The following EXT2 variants were observed in gnomAD, a reference collection of about 807,000 sequenced individuals.
EXT2 encodes the protein exostosin glycosyltransferase 2.
EXT2 carries 53 observed loss-of-function variants against 81.6 expected under a neutral mutation model. The observed-to-expected ratio is 0.65, with a 90% CI of 0.52 to 0.82. The LOEUF (loss-of-function observed/expected upper bound fraction) is 0.82. Among genes scored for constraint, EXT2 ranks in the 40% least tolerant of loss-of-function variants. EXT2 has a pLI of 0.00. For missense variants in EXT2, 774 were observed against 910.2 expected, an observed-to-expected ratio of 0.85 and a Z score of 1.93; for synonymous variants, 320 against 340.0, an observed-to-expected ratio of 0.94 and a Z score of 0.65.
intron 12 of EXT2, 151 bp downstream of exon 12, chr11:44,234,394 A>G (rs1323552131): frequency 1.3e-6 from 1 of 775,988 alleles, no homozygotes; most frequent in African/African-American, 1.8e-5. Context: ...ATGCGGTCAC[A>G]TTGGGAAATT....
At chr11:44,130,218 G>C in intron 7 of EXT2, 80 bp downstream of exon 7, 1 of 1,090,776 alleles carries the variant, frequency 9.2e-7, no homozygotes, top group Non-Finnish European at 1.4e-6. Context: ...GACAGGAGCT[G>C]AATGCCTGAG....
intron 10 of EXT2, among the ~76,000 whole-genome samples, chr11:44,211,068 G>A (rs746982246): frequency 4.6e-5 from 7 of 152,118 alleles, no homozygotes; most frequent in Non-Finnish European, 7.4e-5. Flanking sequence ...ATAAAGCTAC[G>A]GTAATCAAGA....
intron 8 of EXT2, among the ~76,000 whole-genome samples, chr11:44,193,625 A>C (rs536724352): frequency 5.1e-4 from 78 of 152,330 alleles, no homozygotes; most frequent in African/African-American, 1.8e-3. Flanking sequence ...CATTTGCATT[A>C]ACCCTGGTGG....
intron 8 of EXT2, among the ~76,000 whole-genome samples, chr11:44,182,309 A>G (rs375637696): frequency 6.6e-6 from 1 of 151,942 alleles, no homozygotes; most frequent in East Asian, 1.9e-4. Context: ...AGTTTAAGGG[A>G]TCTTGAGACC....
intron 8 of EXT2, among the ~76,000 whole-genome samples, chr11:44,184,808 G>A (rs1323163022): frequency 6.6e-6 from 1 of 152,136 alleles, no homozygotes. Context: ...TTGATTATTA[G>A]ACAGCAATGT....
In EXT2 at chr11:44,124,851, T is replaced by C. The variant is rs1412485749; in HGVS notation, c.806T>C (p.Leu269Pro). Residue 269 changes from leucine to proline, a missense_variant, in exon 5 of 14, where the codon CTA becomes CCA. Physicochemically the swap from Leu to Pro is moderately conservative, Grantham distance 98 (BLOSUM62 -3). Around this residue, in one of 2 missense-constraint regions of EXT2, gnomAD observed 626 missense variants for 670.5 expected, o/e 0.93. Transcript: ENST00000533608. ...CTCCATCCTGAGTACAGAGAGGACC[T>C]AGAAGCCCTCCAGGTCAAACATGGA... is the stretch of plus-strand genomic sequence containing the variant. Reference protein sequence around the residue: ...VGLHPEYREDLEALQVKHGES... With the variant: ...VGLHPEYREDPEALQVKHGES... The C allele has an allele frequency of 6.2e-7, 1 of 1,614,130 alleles. No individual in the cohort carries two copies. Among genetic ancestry groups the C allele is most frequent in the Non-Finnish European group, 8.5e-7 (1 of 1,180,020 alleles).
intron 10 of EXT2, among the ~76,000 whole-genome samples, chr11:44,225,206 C>T (rs1441439430): frequency 6.6e-6 from 1 of 152,154 alleles, no homozygotes; most frequent in Non-Finnish European, 1.5e-5. Flanking sequence ...CCAAGAGATT[C>T]ATTGCCTCAT....
In EXT2 at chr11:44,244,862, G is replaced by C. The variant is rs373704488; in HGVS notation, c.*575G>C. ...GCACCAGCCGCTGAGTCAGGATCCT[G>C]TCAGTTCCATGAGCTATTCCTCTTT... On this transcript the variant is annotated 3_prime_UTR_variant, in exon 14 of 14. Coordinates refer to ENST00000533608, the MANE Select transcript of EXT2 (RefSeq NM_207122.2). The C allele has an allele frequency of 1.2e-4, 28 of 236,746 alleles. No individual in the cohort carries two copies. The East Asian group carries it at 1.3e-3, about 11-fold the overall frequency. The allele number at this position is 236,746 out of a possible 1,614,324, so 14.7% of individuals were successfully genotyped here.
At chr11:44,108,278 A>G (rs1954092505) in intron 2 of EXT2, 30 bp downstream of exon 2, 7 of 1,604,880 alleles carry the variant, frequency 4.4e-6, no homozygotes, top group Non-Finnish European at 5.1e-6. Context: ...CCCAGCCCCC[A>G]GGAGATACTT....
At chr11:44,154,689 A>G (rs936752156) in intron 7 of EXT2, among the ~76,000 whole-genome samples, 1 of 151,930 alleles carries the variant, frequency 6.6e-6, no homozygotes, top group Admixed American at 6.6e-5. Context: ...GTTTAGTTCT[A>G]TTTTTAGTTT....
intron 7 of EXT2, among the ~76,000 whole-genome samples, chr11:44,170,810 TCACACACACACACACACA>T (rs58131996): frequency 4.8e-5 from 7 of 145,550 alleles, no homozygotes; most frequent in Admixed American, 4.1e-4. Context: ...ACGTTCACAT[TCACACACACACACACACA>T]CACACACACA....
intron 7 of EXT2, among the ~76,000 whole-genome samples, chr11:44,162,575 C>CAAAAAAA (rs746211630): frequency 2.2e-5 from 1 of 45,906 alleles, no homozygotes; most frequent in Non-Finnish European, 4.8e-5. Context: ...GACTCCATCT[C>CAAAAAAA]AAAAAAAAAA....
At chr11:44,241,995 C>T (rs1490371163) in intron 13 of EXT2, among the ~76,000 whole-genome samples, 2 of 152,208 alleles carry the variant, frequency 1.3e-5, no homozygotes, top group African/African-American at 4.8e-5. Context: ...GGGCAGCTGT[C>T]AACAAATCAA....
At chr11:44,190,280 G>T (rs1163937972) in intron 8 of EXT2, among the ~76,000 whole-genome samples, 1 of 152,156 alleles carries the variant, frequency 6.6e-6, no homozygotes, top group Non-Finnish European at 1.5e-5. Context: ...GAGCAAAAAA[G>T]AATAAATCAA....
chr11:44,100,159 A>G (rs1953961320), intron 1 of EXT2, among the ~76,000 whole-genome samples: 1 of 152,120 alleles, frequency 6.6e-6, no homozygotes, highest in South Asian at 2.1e-4. Context: ...TCAAGTGTGC[A>G]CCCTTCTGAC....
chr11:44,160,307 T>G (rs1241372613), intron 7 of EXT2, among the ~76,000 whole-genome samples: 1 of 152,230 alleles, frequency 6.6e-6, no homozygotes, highest in Non-Finnish European at 1.5e-5. Flanking sequence ...ATTCTCTCTA[T>G]TCACCTGCCC....
chr11:44,105,767 C>T (rs1302745943), intron 1 of EXT2, among the ~76,000 whole-genome samples: 1 of 152,192 alleles, frequency 6.6e-6, no homozygotes, highest in Admixed American at 6.5e-5. Flanking sequence ...ATGTGGTCTA[C>T]ATGGGAACTC....
At chr11:44,103,470 T>A (rs1954014129) in intron 1 of EXT2, among the ~76,000 whole-genome samples, 1 of 152,240 alleles carries the variant, frequency 6.6e-6, no homozygotes, top group South Asian at 2.1e-4. Context: ...GGGCCTGGGA[T>A]GCCTGAAGCA....
At chr11:44,231,783 T>C (rs930319444) in intron 10 of EXT2, among the ~76,000 whole-genome samples, 28 of 152,218 alleles carry the variant, frequency 1.8e-4, no homozygotes, top group African/African-American at 6.3e-4. Flanking sequence ...AAAGCTCTTA[T>C]GTAAGGACCT....
Sources: allele counts gnomAD v4.1 joint callset (sites outside exome capture counted in the v4.1 genomes callset), GRCh38; gene constraint gnomAD v4.1.1; regional missense constraint gnomAD v4.1.1; transcripts MANE v1.5; gene names NCBI Gene and HGNC (gene_info 2026-07-23, HGNC 2026-07-21).